The following MTRES1 variants were observed in gnomAD, a reference collection of about 807,000 sequenced individuals.
MTRES1 encodes uncharacterized protein C6orf203.
A neutral mutation model predicts 17.4 loss-of-function variants in MTRES1; 11 were observed. The ratio of observed to expected loss-of-function variants is 0.63; its 90% CI spans 0.40 to 1.05. MTRES1 has a LOEUF of 1.05. Among genes scored for constraint, MTRES1 ranks in the 50% least tolerant of loss-of-function variants. The probability of loss-of-function intolerance (pLI) is 0.00; values close to 1 mark genes in which losing one functional copy is unlikely to be tolerated. For synonymous variants in MTRES1, 94 were observed against 99.6 expected, an observed-to-expected ratio of 0.94 and a Z score of 0.34; for missense variants, 268 against 276.2, an observed-to-expected ratio of 0.97 and a Z score of 0.21.
chr6:107,036,475 A>T (rs1430233189), intron 1 of MTRES1, among the ~76,000 whole-genome samples: 4 of 152,034 alleles, frequency 2.6e-5, no homozygotes, highest in Non-Finnish European at 5.9e-5. Flanking sequence ...CCCAGGAGGC[A>T]GAGGCAGTGA....
chr6:107,050,486 G>T (rs1774554931), intron 3 of MTRES1, among the ~76,000 whole-genome samples: 1 of 147,334 alleles, frequency 6.8e-6, no homozygotes, highest in South Asian at 2.1e-4. Context: ...CCAGCCAGTT[G>T]TCTAGTTCTG....
intron 3 of MTRES1, among the ~76,000 whole-genome samples, chr6:107,050,619 CG>C (rs2114977492): frequency 6.8e-6 from 1 of 146,312 alleles, no homozygotes; most frequent in South Asian, 2.2e-4. Flanking sequence ...CTCTGTCGCC[CG>C]GGCTGGCATG....
intron 3 of MTRES1, among the ~76,000 whole-genome samples, chr6:107,050,287 G>T (rs1774549356): frequency 6.6e-6 from 1 of 152,214 alleles, no homozygotes; most frequent in Admixed American, 6.5e-5. Context: ...GTGAGTTGAG[G>T]CAAGTGTTGC....
chr6:107,029,163 C>A (rs1335753623), intron 1 of MTRES1, among the ~76,000 whole-genome samples: 7 of 149,278 alleles, frequency 4.7e-5, no homozygotes, highest in Non-Finnish European at 1.0e-4. Flanking sequence ...GCAGCTGGGA[C>A]TACAGGCGCA....
chr6:107,041,825 C>G (rs1033954338), intron 2 of MTRES1, among the ~76,000 whole-genome samples: 3 of 151,942 alleles, frequency 2.0e-5, no homozygotes, highest in Non-Finnish European at 4.4e-5. Context: ...CCGCGCCTGG[C>G]GAAGATTTCT....
At position 107,051,282 on chromosome 6, in the gene MTRES1, A is replaced by G; in HGVS notation, c.*46A>G. 6.9e-7 allele frequency: 1 copy of G among 1,450,796 alleles called. No homozygotes were observed. The highest frequency in any genetic ancestry group is 9.4e-7 in the Non-Finnish European group (1 of 1,060,108). The allele number at this position is 1,450,796 out of a possible 1,614,324, so 89.9% of individuals were successfully genotyped here. On this transcript the variant is annotated 3_prime_UTR_variant, in exon 4 of 4. Coordinates refer to ENST00000311381, the MANE Select transcript of MTRES1 (RefSeq NM_016487.5). ...AGAGCTGCTTTCTAGTGGTAAAGGA[A>G]GGGGTCACCTGAAAAATAGGACATT...
intron 3 of MTRES1, among the ~76,000 whole-genome samples, chr6:107,050,551 CTTTTTTT>C (rs142268482): frequency 1.2e-5 from 1 of 81,516 alleles, no homozygotes; most frequent in African/African-American, 5.0e-5. Flanking sequence ...CTCTCCCTTT[CTTTTTTT>C]TTTTTTTTTT....
chr6:107,039,937 T>A lies in MTRES1; in HGVS notation c.177T>A (p.Phe59Leu). 1 of 1,613,914 alleles carries A rather than the reference T, an allele frequency of 6.2e-7. No homozygotes were observed. Among genetic ancestry groups the A allele is most frequent in the Non-Finnish European group, 8.5e-7 (1 of 1,179,802 alleles). Residue 59 changes from phenylalanine (F) to leucine (L), a missense_variant, in exon 2 of 4, where the codon TTT becomes TTA. Coordinates refer to ENST00000311381, the MANE Select transcript of MTRES1 (RefSeq NM_016487.5). ...KLRAPNYKTLFYNIFSLRLPG... is the reference protein window; with the variant it reads ...KLRAPNYKTLLYNIFSLRLPG... ...GTGCACCAAATTATAAAACACTTTT[T>A]TATAATATTTTCTCACTGAGACTCC...
rs1324020475 is a variant in MTRES1, at chr6:107,039,746, C to T, written c.-12-3C>T. 6.3e-7 allele frequency: 1 copy of T among 1,581,470 alleles called. No homozygotes were observed. Among genetic ancestry groups the T allele is most frequent in the Non-Finnish European group, 8.5e-7 (1 of 1,170,144 alleles). On this transcript the variant is annotated splice_region_variant and splice_polypyrimidine_tract_variant and intron_variant, in intron 1 of 3. Coordinates refer to ENST00000311381, the MANE Select transcript of MTRES1 (RefSeq NM_016487.5). ...GATAAAACTGATTTATTATCTGTTT[C>T]AGATTATAAGCGCCATGGCTATGGC...
chr6:107,045,054 G>A (rs1218787164), intron 3 of MTRES1, among the ~76,000 whole-genome samples: 1 of 152,018 alleles, frequency 6.6e-6, no homozygotes, highest in Non-Finnish European at 1.5e-5. Flanking sequence ...CAGGCGTGGT[G>A]GCAGGCGCTT....
chr6:107,040,364 A>T, intron 2 of MTRES1, 134 bp downstream of exon 2: 1 of 699,154 alleles, frequency 1.4e-6, no homozygotes. Flanking sequence ...ACCTGTTTCA[A>T]TTATTTCATT....
chr6:107,041,118 C>G (rs975795901), intron 2 of MTRES1, among the ~76,000 whole-genome samples: 2 of 145,648 alleles, frequency 1.4e-5, no homozygotes, highest in African/African-American at 5.1e-5. Flanking sequence ...CCCAGCTACT[C>G]GGAGGCTGAG....
chr6:107,043,127 C>T (rs1361868713), intron 2 of MTRES1, among the ~76,000 whole-genome samples: 1 of 151,862 alleles, frequency 6.6e-6, no homozygotes, highest in Non-Finnish European at 1.5e-5. Context: ...GTCAGGAGAT[C>T]GAGACCATCC....
intron 3 of MTRES1, among the ~76,000 whole-genome samples, chr6:107,050,828 T>C (rs538333567): frequency 6.6e-5 from 10 of 152,048 alleles, no homozygotes; most frequent in East Asian, 3.9e-4. Flanking sequence ...CCACCGAGCT[T>C]GGCCTCCCAA....
chr6:107,038,742 C>G (rs1774089255), intron 1 of MTRES1, among the ~76,000 whole-genome samples: 1 of 152,152 alleles, frequency 6.6e-6, no homozygotes, highest in African/African-American at 2.4e-5. Context: ...AACAGTCTTT[C>G]TCTCCAAATT....
rs562993908 is a variant in MTRES1, at chr6:107,028,214, G to C, written c.-70G>C. 2 of 152,326 alleles carry C rather than the reference G, an allele frequency of 1.3e-5. No individual in the cohort carries two copies. The highest frequency in any genetic ancestry group is 4.8e-5 in the African/African-American group (2 of 41,568). 9.4% of individuals were successfully genotyped at this position (152,326 alleles called of 1,614,324 possible). On this transcript the variant is annotated 5_prime_UTR_variant, in exon 1 of 4. Transcript: ENST00000311381. Reference sequence around the variant, plus strand: ...AAGGGGCGGGGCGCAGATAGGGGTAGCCTGGAGGCCTGCAGTCCGCGCGGC... The same window carrying C: ...AAGGGGCGGGGCGCAGATAGGGGTACCCTGGAGGCCTGCAGTCCGCGCGGC...
intron 3 of MTRES1, among the ~76,000 whole-genome samples, chr6:107,045,914 A>G (rs930213499): frequency 2.0e-5 from 3 of 152,180 alleles, no homozygotes; most frequent in Non-Finnish European, 2.9e-5. Flanking sequence ...GCCCTAGGAC[A>G]TGGGAAATTG....
chr6:107,047,359 A>G (rs1258467033), intron 3 of MTRES1, among the ~76,000 whole-genome samples: 1 of 151,874 alleles, frequency 6.6e-6, no homozygotes, highest in African/African-American at 2.4e-5. Flanking sequence ...AGTAGCTGGT[A>G]TGACAGGCAC....
intron 2 of MTRES1, among the ~76,000 whole-genome samples, chr6:107,043,871 GTAA>G (rs1406628411): frequency 6.6e-6 from 1 of 152,230 alleles, no homozygotes; most frequent in Non-Finnish European, 1.5e-5. Flanking sequence ...GTTCACGCCT[GTAA>G]TCCCAGCACT....
Sources: allele counts gnomAD v4.1 joint callset (sites outside exome capture counted in the v4.1 genomes callset), GRCh38; gene constraint gnomAD v4.1.1; transcripts MANE v1.5; gene names NCBI Gene and HGNC (gene_info 2026-07-23, HGNC 2026-07-21).